The following SLC15A2 variants were observed in gnomAD, a reference collection of about 807,000 sequenced individuals.
SLC15A2 encodes the protein kidney H(+)/peptide cotransporter.
A neutral mutation model predicts 95.5 loss-of-function variants in SLC15A2; 77 were observed. The ratio of observed to expected loss-of-function variants is 0.81; its 90% CI spans 0.67 to 0.97. SLC15A2 has a LOEUF of 0.97. SLC15A2 is among the 50% of genes least tolerant of loss of function. SLC15A2 has a pLI of 0.00. For missense variants in SLC15A2, 893 were observed against 874.4 expected (o/e 1.02, Z -0.27); for synonymous variants, 306 against 306.9 (o/e 1.00, Z 0.03).
rs911572817 is a variant in SLC15A2, at chr3:121,930,777, C to T, written c.1554-63C>T. ...TAGTTATACCCAAAACATAAAAGGC[C>T]CCTAACCTCTTTTATCAGGTGTTCC... On this transcript the variant is annotated intron_variant, in intron 17 of 21. Coordinates refer to ENST00000489711, the MANE Select transcript of SLC15A2 (RefSeq NM_021082.4). 5.6e-6 allele frequency: 6 copies of T among 1,070,228 alleles called. No individual in the cohort carries two copies. In the African/African-American group the frequency reaches 9.4e-5, roughly 17 times the overall value. The allele number at this position is 1,070,228 out of a possible 1,614,324, so 66.3% of individuals were successfully genotyped here.
chr3:121,936,140 T>A (rs1710341803), intron 19 of SLC15A2, among the ~76,000 whole-genome samples: 1 of 152,248 alleles, frequency 6.6e-6, no homozygotes. Context: ...TAGTTTGTTA[T>A]AATTTCTATT....
rs1710177876 is a variant in SLC15A2, at chr3:121,929,037, T to A, written c.1397T>A (p.Phe466Tyr). 6.2e-7 allele frequency: 1 copy of A among 1,614,036 alleles called. No homozygotes were observed. Among genetic ancestry groups the A allele is most frequent in the Admixed American group, 1.7e-5 (1 of 60,002 alleles). The change falls in exon 16 of 22, where the codon TTC becomes TAC. Residue 466 changes from phenylalanine (F) to tyrosine (Y), a missense_variant. Physicochemically the swap from Phe to Tyr is conservative, Grantham distance 22 (BLOSUM62 3). Transcript: ENST00000489711. ...AAAACAAAAAGCCAGGATTTTCACT[T>A]CCACCTGAAATATCACAATTTGTCT... ...HLKTKSQDFH[F>Y]HLKYHNLSLY...
At chr3:121,912,888 A>G (rs1257066855) in intron 4 of SLC15A2, 133 bp from the exon 5 acceptor site, 2 of 629,490 alleles carry the variant, frequency 3.2e-6, no homozygotes, top group Non-Finnish European at 5.8e-6. Context: ...GCAAATGGAA[A>G]GTACCCATGG....
chr3:121,940,379 C>G lies in SLC15A2; in HGVS notation c.1909-5C>G. 6.2e-7 allele frequency: 1 copy of G among 1,612,594 alleles called. No homozygotes were observed. Among genetic ancestry groups the G allele is most frequent in the Non-Finnish European group, 8.5e-7 (1 of 1,178,804 alleles). On this transcript the variant is annotated splice_polypyrimidine_tract_variant and splice_region_variant and intron_variant, in intron 20 of 21. Transcript: ENST00000489711. The stretch of plus-strand genomic sequence containing the variant: ...TGTTTACTTTCAAACTTGTGTCATC[C>G]CCAGGCTCCCTCTAGCATGAAATCT...
Position 121,939,434 on chromosome 3 carries a change from C to A in SLC15A2, c.1847C>A (p.Ala616Asp), listed in dbSNP as rs1199792473. 1.9e-6 allele frequency: 3 copies of A among 1,573,908 alleles called. No homozygotes were observed. The highest frequency in any genetic ancestry group is 2.7e-5 in the African/African-American group (2 of 72,854). The stretch of plus-strand genomic sequence containing the variant: ...ATTGCGTGGCAGCTACCACAATATG[C>A]CCTGGTTACAGCTGGGGAGGTCATG... ...MSIAWQLPQY[A>D]LVTAGEVMFS... Residue 616 changes from alanine to aspartate, a missense_variant, in exon 20 of 22, where the codon GCC (alanine) becomes GAC (aspartate). Transcript: ENST00000489711.
chr3:121,912,944 C>T lies in SLC15A2; in HGVS notation c.429-77C>T, dbSNP rs1377612856. 8 of 985,842 alleles carry T rather than the reference C, an allele frequency of 8.1e-6. No homozygotes were observed. The South Asian group carries it at 1.1e-4, about 13-fold the overall frequency. 61.1% of individuals were successfully genotyped at this position (985,842 alleles called of 1,614,324 possible). ...CTTTGCCCTTGTACACATTTTTTCC[C>T]CTCTGCAGCTCTGTAGTCCATCTCT... On this transcript the variant is annotated intron_variant, in intron 4 of 21. Transcript: ENST00000489711.
Position 121,929,467 on chromosome 3 carries a change from G to A in SLC15A2, c.1553+119G>A, listed in dbSNP as rs555849738. On this transcript the variant is annotated intron_variant, in intron 17 of 21. Transcript: ENST00000489711. Reference sequence around the variant, plus strand: ...GAATTCCCTCTCGTAGAATGCCAGGGGCACTGGTGTCAAAAGGCATTTTCT... The same window carrying A: ...GAATTCCCTCTCGTAGAATGCCAGGAGCACTGGTGTCAAAAGGCATTTTCT... 2.6e-5 allele frequency: 28 copies of A among 1,076,592 alleles called. No individual in the cohort carries two copies. In the African/African-American group the frequency reaches 4.0e-4, roughly 15 times the overall value. 66.7% of individuals were successfully genotyped at this position (1,076,592 alleles called of 1,614,324 possible).
chr3:121,922,422 G>GT (rs1710024955), intron 8 of SLC15A2, 120 bp downstream of exon 8: 2 of 717,192 alleles, frequency 2.8e-6, no homozygotes, highest in South Asian at 2.0e-5. Context: ...CTATTTTCAT[G>GT]TTTTTTAACA....
At chr3:121,928,708 A>G (rs1272198205) in intron 15 of SLC15A2, among the ~76,000 whole-genome samples, 153 bp downstream of exon 15, 1 of 152,194 alleles carries the variant, frequency 6.6e-6, no homozygotes, top group Non-Finnish European at 1.5e-5. Context: ...CATTCTATAG[A>G]TATACCATAG....
At chr3:121,901,745 G>A (rs1709524280) in intron 3 of SLC15A2, among the ~76,000 whole-genome samples, 1 of 152,000 alleles carries the variant, frequency 6.6e-6, no homozygotes, top group Admixed American at 6.6e-5. Context: ...TGAACCTGTA[G>A]CCTATTTTCT....
chr3:121,934,084 A>C (rs9714238), intron 19 of SLC15A2, among the ~76,000 whole-genome samples: 1 of 151,894 alleles, frequency 6.6e-6, no homozygotes, highest in Non-Finnish European at 1.5e-5. Context: ...GATATGTGGC[A>C]TTATTTCTGA....
At chr3:121,902,017 T>C (rs1709530389) in intron 3 of SLC15A2, among the ~76,000 whole-genome samples, 1 of 152,140 alleles carries the variant, frequency 6.6e-6, no homozygotes, top group Non-Finnish European at 1.5e-5. Flanking sequence ...CCCAGAATAA[T>C]AGATATGTTA....
intron 7 of SLC15A2, among the ~76,000 whole-genome samples, chr3:121,920,779 A>T (rs1325415730): frequency 6.6e-6 from 1 of 152,226 alleles, no homozygotes; most frequent in Non-Finnish European, 1.5e-5. Context: ...ACGAATGGAG[A>T]TATTAAAAAG....
rs3047583 is a variant in SLC15A2 at position 121,901,845 on chromosome 3, TTG to T, written c.335+4337_335+4338del. On this transcript the variant is annotated intron_variant, in intron 3 of 21. Transcript: ENST00000489711. ...TATGTTTCTCTGCCTGAGTATGTGT[TTG>T]TGTGTGTGTGTGTGTGTGTGGTGTG... 5.9e-3 allele frequency among the ~76,000 whole-genome samples: 885 copies of T among 148,912 alleles called. 10 individuals carry two copies. The highest frequency in any genetic ancestry group is 0.019 in the African/African-American group (779 of 40,582).
At chr3:121,934,740 T>C (rs1052790075) in intron 19 of SLC15A2, among the ~76,000 whole-genome samples, 3 of 152,228 alleles carry the variant, frequency 2.0e-5, no homozygotes, top group African/African-American at 4.8e-5. Flanking sequence ...CTTTTCCTAA[T>C]TGAATACCCT....
At chr3:121,932,661 G>C (rs1025679242) in intron 19 of SLC15A2, among the ~76,000 whole-genome samples, 1 of 152,142 alleles carries the variant, frequency 6.6e-6, no homozygotes, top group Admixed American at 6.5e-5. Context: ...ATAAAAAAAA[G>C]AGAGAACATT....
chr3:121,929,195 T>C (rs768007839), intron 16 of SLC15A2, 49 bp downstream of exon 16: 1 of 1,604,670 alleles, frequency 6.2e-7, no homozygotes, highest in Non-Finnish European at 8.5e-7. Flanking sequence ...CAAAGTAATA[T>C]GACTGTCTCA....
Position 121,911,624 on chromosome 3 carries a change from C to G in SLC15A2, c.386C>G (p.Ser129Cys). The G allele has an allele frequency of 6.2e-7, 1 of 1,613,956 alleles. No homozygotes were observed. The highest frequency in any genetic ancestry group is 8.5e-7 in the Non-Finnish European group (1 of 1,179,858). ...LVYVLGHVIK[S>C]LGALPILGGQ... ...TATGTGCTTGGCCATGTGATCAAGT[C>G]CTTGGGTGCCTTACCAATACTGGGA... Residue 129 changes from serine to cysteine, a missense_variant, in exon 4 of 22, where the codon TCC becomes TGC. By Grantham distance (112) the Ser-to-Cys change is moderately radical (BLOSUM62 -1). Transcript: ENST00000489711.
At chr3:121,899,850 C>G (rs1444453757) in intron 3 of SLC15A2, among the ~76,000 whole-genome samples, 2 of 152,128 alleles carry the variant, frequency 1.3e-5, no homozygotes, top group African/African-American at 4.8e-5. Flanking sequence ...CCTAAGATCA[C>G]TGGTAAGAAT....
Sources: gnomAD v4.1 joint callset for allele counts (sites outside exome capture counted in the v4.1 genomes callset) on GRCh38, gnomAD v4.1.1 for gene constraint, MANE v1.5 for transcripts, NCBI Gene and HGNC (gene_info 2026-07-23, HGNC 2026-07-21) for gene names.